The following SPAG16 variants were observed in gnomAD, a reference collection of about 807,000 sequenced individuals.
SPAG16 encodes sperm associated antigen 16, also known as sperm-associated antigen 16 protein.
In SPAG16, 86 loss-of-function variants were observed where a neutral mutation model predicts 80.4. The observed-to-expected ratio is 1.07, with a 90% CI of 0.90 to 1.28. SPAG16 has a LOEUF of 1.28. Ranked by LOEUF, SPAG16 falls within the 50% of genes most tolerant of loss-of-function variation. The pLI is 0.00. For missense variants in SPAG16, 870 were observed against 765.3 expected (o/e 1.14, Z -1.61); for synonymous variants, 294 against 265.9 (o/e 1.11, Z -1.03).
intron 9 of SPAG16, among the ~76,000 whole-genome samples, chr2:213,407,296 A>G (rs2068664134): frequency 1.3e-5 from 2 of 152,082 alleles, no homozygotes; most frequent in South Asian, 4.1e-4. Flanking sequence ...CTTCCAGGAC[A>G]GGCAAGACAC....
At chr2:213,591,301 AAT>A (rs1449020489) in intron 10 of SPAG16, among the ~76,000 whole-genome samples, 2 of 152,148 alleles carry the variant, frequency 1.3e-5, no homozygotes, top group African/African-American at 2.4e-5. Flanking sequence ...GAAAAATTTT[AAT>A]AGTCATTCAC....
intron 10 of SPAG16, among the ~76,000 whole-genome samples, chr2:213,700,610 C>T (rs1466483213): frequency 6.6e-6 from 1 of 152,054 alleles, no homozygotes; most frequent in Non-Finnish European, 1.5e-5. Context: ...ACATTTATTT[C>T]TCAGTAATTC....
rs1188462821 is a variant in SPAG16, at chr2:214,254,609, G to A, written c.1720+105343G>A. 3.3e-5 allele frequency among the ~76,000 whole-genome samples: 5 copies of A among 152,112 alleles called. No homozygotes were observed. The East Asian group carries it at 9.7e-4, about 29-fold the overall frequency. ...TTAGGAAAAAGGATTGCAAGTTGAT[G>A]TGAGTTCTTTGAGAATGAAGACAGT... On this transcript the variant is annotated intron_variant, in intron 15 of 15. Transcript: ENST00000331683.
chr2:213,573,463 C>T (rs552049616), intron 10 of SPAG16, among the ~76,000 whole-genome samples: 2 of 152,238 alleles, frequency 1.3e-5, no homozygotes, highest in South Asian at 2.1e-4. Flanking sequence ...ATGATGGGTA[C>T]ATGTGATTGA....
chr2:213,441,779 C>T (rs2070974445), intron 9 of SPAG16, among the ~76,000 whole-genome samples: 1 of 152,108 alleles, frequency 6.6e-6, no homozygotes, highest in Non-Finnish European at 1.5e-5. Flanking sequence ...GCCATTATAG[C>T]AAGTTACAGT....
intron 10 of SPAG16, among the ~76,000 whole-genome samples, chr2:213,774,911 G>T (rs879657700): frequency 6.6e-6 from 1 of 152,160 alleles, no homozygotes; most frequent in Non-Finnish European, 1.5e-5. Flanking sequence ...AAGTATGCAT[G>T]CTGGAGGGTT....
intron 15 of SPAG16, among the ~76,000 whole-genome samples, chr2:214,224,204 C>T (rs893366888): frequency 3.3e-5 from 5 of 152,122 alleles, no homozygotes; most frequent in African/African-American, 1.2e-4. Flanking sequence ...TTTCCTTGGC[C>T]ACTTTCCTTA....
intron 15 of SPAG16, among the ~76,000 whole-genome samples, chr2:214,381,942 C>T (rs1700472878): frequency 1.3e-5 from 2 of 152,180 alleles, no homozygotes; most frequent in African/African-American, 2.4e-5. Flanking sequence ...GCTTTGCATC[C>T]TCAGTGCAAT....
chr2:213,900,153 G>T (rs1427234562), intron 11 of SPAG16, among the ~76,000 whole-genome samples: 1 of 151,960 alleles, frequency 6.6e-6, no homozygotes, highest in Non-Finnish European at 1.5e-5. Flanking sequence ...TGCAGAAATG[G>T]GTACACTGAC....
chr2:214,384,418 A>C (rs1700633267), intron 15 of SPAG16, among the ~76,000 whole-genome samples: 1 of 152,222 alleles, frequency 6.6e-6, no homozygotes, highest in Non-Finnish European at 1.5e-5. Context: ...ATATGAATGT[A>C]CTACCAATAA....
intron 5 of SPAG16, among the ~76,000 whole-genome samples, chr2:213,339,617 A>G: frequency 6.6e-6 from 1 of 152,194 alleles, no homozygotes; most frequent in East Asian, 1.9e-4. Context: ...TCATCAAGCT[A>G]TGAATTATGT....
At chr2:214,362,705 C>G (rs963119632) in intron 15 of SPAG16, among the ~76,000 whole-genome samples, 2 of 151,824 alleles carry the variant, frequency 1.3e-5, no homozygotes, top group Admixed American at 6.6e-5. Flanking sequence ...CTTGAAATTG[C>G]AATTCACCAA....
Position 214,280,931 on chromosome 2 carries a change from C to T in SPAG16, c.1721-129209C>T, listed in dbSNP as rs1343841058. On this transcript the variant is annotated intron_variant, in intron 15 of 15. Transcript: ENST00000331683. ...CTGCGACATTCTGGCTGATAATGTG[C>T]TTCCAGTGTACTTCTGCATTAAATT... The T allele has an allele frequency of 1.1e-5, 5 of 438,182 alleles. No individual in the cohort carries two copies. In the Admixed American group the frequency reaches 1.3e-4, roughly 12 times the overall value. The allele number at this position is 438,182 out of a possible 1,614,324, so 27.1% of individuals were successfully genotyped here.
At chr2:213,893,263 G>A (rs1384793692) in intron 11 of SPAG16, among the ~76,000 whole-genome samples, 4 of 151,920 alleles carry the variant, frequency 2.6e-5, no homozygotes, top group African/African-American at 9.7e-5. Context: ...AGACAAACAA[G>A]AGCTTAAAAG....
At chr2:213,745,062 G>A (rs2067752355) in intron 10 of SPAG16, among the ~76,000 whole-genome samples, 1 of 152,044 alleles carries the variant, frequency 6.6e-6, no homozygotes, top group African/African-American at 2.4e-5. Context: ...TTCCAAAACT[G>A]TTATGGTTTC....
At chr2:213,377,966 T>C (rs1479513108) in intron 9 of SPAG16, among the ~76,000 whole-genome samples, 11 of 151,600 alleles carry the variant, frequency 7.3e-5, no homozygotes, top group African/African-American at 2.4e-4. Flanking sequence ...GTTTATTAAG[T>C]ATTAACTCAC....
chr2:213,343,761 A>G (rs541683017), intron 6 of SPAG16, among the ~76,000 whole-genome samples: 2 of 152,180 alleles, frequency 1.3e-5, no homozygotes, highest in Non-Finnish European at 2.9e-5. Context: ...AATGAACATG[A>G]AGACAGGAAG....
At chr2:214,268,063 A>G (rs1300714669) in intron 15 of SPAG16, among the ~76,000 whole-genome samples, 2 of 151,670 alleles carry the variant, frequency 1.3e-5, no homozygotes, top group African/African-American at 4.8e-5. Flanking sequence ...GCCAACAGAT[A>G]CATGAGAAAA....
At chr2:213,498,380 T>G (rs1389042426) in intron 10 of SPAG16, among the ~76,000 whole-genome samples, 1 of 152,166 alleles carries the variant, frequency 6.6e-6, no homozygotes, top group East Asian at 1.9e-4. Flanking sequence ...ATCTAAATCT[T>G]AAACCAATTT....
Sources: allele counts gnomAD v4.1 joint callset (sites outside exome capture counted in the v4.1 genomes callset), GRCh38; gene constraint gnomAD v4.1.1; transcripts MANE v1.5; gene names NCBI Gene and HGNC (gene_info 2026-07-23, HGNC 2026-07-21).